SUPT3H: variants seen among roughly 807,000 people sequenced by gnomAD.
SUPT3H encodes the protein transcription initiation protein SPT3 homolog.
Under a neutral mutation model 44.3 loss-of-function variants are expected in SUPT3H, and 44 were observed. That is an observed-to-expected ratio of 0.99 (90% CI 0.78 to 1.28). SUPT3H has a LOEUF of 1.28. SUPT3H is among the 50% of genes most tolerant of loss of function. SUPT3H has a pLI of 0.00. For synonymous variants in SUPT3H, 124 were observed against 125.6 expected (o/e 0.99, Z 0.09); for missense variants, 380 against 387.1 (o/e 0.98, Z 0.15).
At chr6:45,213,585 C>T (rs964286289) in intron 2 of SUPT3H, among the ~76,000 whole-genome samples, 1 of 151,996 alleles carries the variant, frequency 6.6e-6, no homozygotes, top group African/African-American at 2.4e-5. Context: ...ATGAACAAAA[C>T]ATTCATAAAT....
chr6:45,021,577 A>G (rs1477510442), intron 3 of SUPT3H, among the ~76,000 whole-genome samples: 3 of 151,980 alleles, frequency 2.0e-5, no homozygotes, highest in African/African-American at 7.2e-5. Flanking sequence ...CCAATATGAA[A>G]TACTATAAAA....
chr6:45,362,334 T>C (rs1038510154), intron 2 of SUPT3H, among the ~76,000 whole-genome samples: 4 of 152,108 alleles, frequency 2.6e-5, no homozygotes, highest in Admixed American at 6.5e-5. Context: ...AGTGAATGGA[T>C]TGGGGAAGAC....
intron 10 of SUPT3H, among the ~76,000 whole-genome samples, chr6:44,888,831 T>C (rs1442444466): frequency 1.3e-5 from 2 of 151,480 alleles, no homozygotes; most frequent in Admixed American, 6.6e-5. Flanking sequence ...AAATTGTCCC[T>C]GTTTGCAGAT....
At chr6:44,894,947 TC>T (rs1763890170) in intron 10 of SUPT3H, among the ~76,000 whole-genome samples, 1 of 151,920 alleles carries the variant, frequency 6.6e-6, no homozygotes, top group African/African-American at 2.4e-5. Context: ...ATTTCACTTT[TC>T]CACTAGGTAA....
chr6:45,226,596 G>A (rs1393497400), intron 2 of SUPT3H, among the ~76,000 whole-genome samples: 1 of 152,108 alleles, frequency 6.6e-6, no homozygotes, highest in Non-Finnish European at 1.5e-5. Context: ...ACCCAGTGCA[G>A]TGGCGCAATC....
intron 2 of SUPT3H, among the ~76,000 whole-genome samples, chr6:45,145,523 T>C (rs1245442491): frequency 6.6e-6 from 1 of 152,074 alleles, no homozygotes; most frequent in Non-Finnish European, 1.5e-5. Flanking sequence ...CAACTCAAGA[T>C]GGATCAAAGA....
intron 2 of SUPT3H, among the ~76,000 whole-genome samples, chr6:45,279,032 A>C (rs563896249): frequency 2.0e-5 from 3 of 152,320 alleles, no homozygotes; most frequent in African/African-American, 7.2e-5. Flanking sequence ...CTAAAACTCC[A>C]GATCCCAAGT....
At chr6:45,029,667 G>A (rs1786614003) in intron 3 of SUPT3H, among the ~76,000 whole-genome samples, 1 of 151,998 alleles carries the variant, frequency 6.6e-6, no homozygotes. Context: ...TGTAAGCAAA[G>A]GCACATTTTA....
At chr6:44,985,761 C>T (rs950691471) in intron 6 of SUPT3H, among the ~76,000 whole-genome samples, 1 of 152,118 alleles carries the variant, frequency 6.6e-6, no homozygotes, top group East Asian at 1.9e-4. Flanking sequence ...CCAACAAGTA[C>T]AGCACCTCAC....
At chr6:45,247,630 T>C (rs1771601666) in intron 2 of SUPT3H, among the ~76,000 whole-genome samples, 2 of 151,816 alleles carry the variant, frequency 1.3e-5, no homozygotes, top group Admixed American at 6.6e-5. Flanking sequence ...CCACTCTCAA[T>C]AGGGAGAACT....
At chr6:44,884,926 T>C (rs965569460) in intron 10 of SUPT3H, among the ~76,000 whole-genome samples, 4 of 152,148 alleles carry the variant, frequency 2.6e-5, no homozygotes, top group Non-Finnish European at 4.4e-5. Context: ...ACTGCGCTTT[T>C]CCAATGGGCT....
intron 10 of SUPT3H, among the ~76,000 whole-genome samples, chr6:44,856,332 G>C (rs1773718196): frequency 6.6e-6 from 1 of 152,136 alleles, no homozygotes; most frequent in African/African-American, 2.4e-5. Context: ...ACTAATTATA[G>C]TGCTTCTGCC....
intron 3 of SUPT3H, among the ~76,000 whole-genome samples, chr6:45,044,939 G>A (rs1197311899): frequency 6.6e-6 from 1 of 152,048 alleles, no homozygotes; most frequent in Non-Finnish European, 1.5e-5. Context: ...CTTTCTCAAA[G>A]CTTTAATCAT....
intron 2 of SUPT3H, among the ~76,000 whole-genome samples, chr6:45,256,911 T>C (rs1022747954): frequency 5.9e-5 from 9 of 152,232 alleles, no homozygotes; most frequent in Non-Finnish European, 8.8e-5. Flanking sequence ...AAGTACAAGT[T>C]TCTGTGCTGA....
chr6:45,163,314 T>C (rs1809341967), intron 2 of SUPT3H, among the ~76,000 whole-genome samples: 1 of 152,134 alleles, frequency 6.6e-6, no homozygotes, highest in Non-Finnish European at 1.5e-5. Flanking sequence ...TGCACTACAA[T>C]ACCGCACTTA....
At chr6:45,085,019 C>T (rs928910751) in intron 3 of SUPT3H, among the ~76,000 whole-genome samples, 21 of 152,048 alleles carry the variant, frequency 1.4e-4, no homozygotes, top group Admixed American at 1.2e-3. Context: ...CCTATGCTAA[C>T]ACCCTGGGGG....
At chr6:45,351,561 T>A (rs982344558) in intron 2 of SUPT3H, among the ~76,000 whole-genome samples, 9 of 152,140 alleles carry the variant, frequency 5.9e-5, no homozygotes, top group African/African-American at 1.9e-4. Flanking sequence ...ATTTCCAAGG[T>A]GATACTTGTA....
At chr6:45,141,061 C>CG (rs1459985028) in intron 2 of SUPT3H, among the ~76,000 whole-genome samples, 2 of 151,992 alleles carry the variant, frequency 1.3e-5, no homozygotes, top group Non-Finnish European at 2.9e-5. Context: ...CAGAAGAGGC[C>CG]GGGTACAGTG....
At chr6:45,137,908 A>G (rs1804571504) in intron 2 of SUPT3H, among the ~76,000 whole-genome samples, 1 of 152,028 alleles carries the variant, frequency 6.6e-6, no homozygotes, top group South Asian at 2.1e-4. Flanking sequence ...TCAAAAAAAC[A>G]ATATTAAGCT....
Sources: allele counts gnomAD v4.1 joint callset (sites outside exome capture counted in the v4.1 genomes callset), GRCh38; gene constraint gnomAD v4.1.1; transcripts MANE v1.5; gene names NCBI Gene and HGNC (gene_info 2026-07-23, HGNC 2026-07-21).